PALD1: variants seen among roughly 807,000 people sequenced by gnomAD.
The protein encoded by PALD1 is phosphatase domain containing paladin 1, also known as paladin.
In PALD1, 57 loss-of-function variants were observed where a neutral mutation model predicts 96.0. That is an observed-to-expected ratio of 0.59 (90% CI 0.48 to 0.74). The LOEUF is 0.74. Ranked by LOEUF, PALD1 falls within the 30% of genes least tolerant of loss-of-function variation. The pLI, the probability that PALD1 is intolerant of heterozygous loss-of-function variation, is 0.00. For synonymous variants in PALD1, 464 were observed against 473.6 expected (o/e 0.98, Z 0.26); for missense variants, 1,063 against 1,143.7 (o/e 0.93, Z 1.02).
chr10:70,559,081 T>C (rs1847677543), intron 18 of PALD1, among the ~76,000 whole-genome samples: 1 of 152,160 alleles, frequency 6.6e-6, no homozygotes, highest in African/African-American at 2.4e-5. Flanking sequence ...TTTCTCTCTT[T>C]GCTTTCTCCT....
At chr10:70,492,218 C>G (rs1003532524) in intron 1 of PALD1, among the ~76,000 whole-genome samples, 2 of 152,082 alleles carry the variant, frequency 1.3e-5, no homozygotes, top group Non-Finnish European at 2.9e-5. Flanking sequence ...TGTGAATATA[C>G]TAAAAATCAT....
Position 70,507,741 on chromosome 10 carries a change from T to TTG in PALD1, c.-29-18175_-29-18174dup, listed in dbSNP as rs1396668064. Among the ~76,000 whole-genome samples the TTG allele has an allele frequency of 6.1e-4, 78 of 127,380 alleles. 1 individual carries two copies. In the South Asian group the frequency reaches 0.013, roughly 22 times the overall value. 83.6% of individuals were successfully genotyped at this position (127,380 alleles called of 152,430 possible). A position where few individuals can be genotyped will look rare whatever the true frequency, so the allele number is the denominator to read the frequency against. On this transcript the variant is annotated intron_variant, in intron 1 of 19. Coordinates refer to ENST00000263563, the MANE Select transcript of PALD1 (RefSeq NM_014431.3). ...TGGCTAATTGTTACATTTGTATGTT[T>TTG]TGTGTGTGCGTGTGTGTGTGTGTGT...
chr10:70,502,183 C>T (rs914342002), intron 1 of PALD1, among the ~76,000 whole-genome samples: 1 of 152,204 alleles, frequency 6.6e-6, no homozygotes, highest in South Asian at 2.1e-4. Context: ...TCTTCCTGCT[C>T]TCAACAGGAC....
intron 1 of PALD1, among the ~76,000 whole-genome samples, chr10:70,518,930 T>C (rs940121346): frequency 6.6e-6 from 1 of 152,202 alleles, no homozygotes; most frequent in African/African-American, 2.4e-5. Flanking sequence ...CACAACACAG[T>C]CTTCCTGTTT....
At chr10:70,498,480 G>A (rs1260547524) in intron 1 of PALD1, among the ~76,000 whole-genome samples, 1 of 151,710 alleles carries the variant, frequency 6.6e-6, no homozygotes, top group Non-Finnish European at 1.5e-5. Flanking sequence ...GTGAGATCTT[G>A]TGTTGCCCAG....
chr10:70,520,685 C>CTTTTTTTTTT (rs10545684), intron 1 of PALD1, among the ~76,000 whole-genome samples: 29 of 87,674 alleles, frequency 3.3e-4, no homozygotes, highest in East Asian at 8.5e-4. Context: ...TTCTTTCTTT[C>CTTTTTTTTTT]TTTTTTTTTT....
At chr10:70,507,767 G>GTT (rs1448885177) in intron 1 of PALD1, among the ~76,000 whole-genome samples, 170 of 142,220 alleles carry the variant, frequency 1.2e-3, no homozygotes, top group African/African-American at 4.9e-3. Context: ...GTGTGTGTGT[G>GTT]TGTGTGTGTG....
chr10:70,525,800 CCT>C, intron 1 of PALD1, 121 bp from the exon 2 acceptor site: 1 of 736,072 alleles, frequency 1.4e-6, no homozygotes, highest in Non-Finnish European at 2.3e-6. Flanking sequence ...GGCAAGCCTG[CCT>C]CTGTCTCCAG....
In PALD1 at chr10:70,534,448, C is replaced by G. The variant is rs776537695; in HGVS notation, c.1046C>G (p.Pro349Arg). 8 of 1,611,628 alleles carry G rather than the reference C, an allele frequency of 5.0e-6. No individual in the cohort carries two copies. The highest frequency in any genetic ancestry group is 1.7e-4 in the Middle Eastern group (1 of 6,056). Residue 349 changes from proline to arginine, a missense_variant, in exon 9 of 20, where the codon CCC becomes CGC. Physicochemically the swap from Pro to Arg is moderately radical, Grantham distance 103. Coordinates refer to ENST00000263563, the MANE Select transcript of PALD1 (RefSeq NM_014431.3). ...QPEAAPTQAK[P>R]LPMEQFQVIQ... ...AGGGCTGCCCCCACGCAGGCCAAGCCCCTGCCTATGGAGCAGTTCCAGGTG... is the reference window on the plus strand; with the variant it reads ...AGGGCTGCCCCCACGCAGGCCAAGCGCCTGCCTATGGAGCAGTTCCAGGTG...
rs116423407 is a variant in PALD1, at chr10:70,513,668, A to T, written c.-29-12255A>T. On this transcript the variant is annotated intron_variant, in intron 1 of 19. Coordinates refer to ENST00000263563, the MANE Select transcript of PALD1 (RefSeq NM_014431.3). ...GCCTGTATTTCCTAAGAACAAGGGC[A>T]TTCTCCTTTTAGCCACAATCTGAGG... 8.6e-3 allele frequency among the ~76,000 whole-genome samples: 1,312 copies of T among 152,328 alleles called. 19 individuals are homozygous for T. The highest frequency in any genetic ancestry group is 0.03 in the African/African-American group (1,267 of 41,556).
the PALD1 span, among the ~76,000 whole-genome samples, chr10:70,469,911 A>G: frequency 6.6e-6 from 1 of 152,086 alleles, no homozygotes; most frequent in African/African-American, 2.4e-5. Flanking sequence ...CTCCTGCCTC[A>G]GCCTCCCGAG....
At chr10:70,460,108 C>T in the PALD1 span, among the ~76,000 whole-genome samples, 7 of 152,204 alleles carry the variant, frequency 4.6e-5, no homozygotes, top group Admixed American at 1.3e-4. Flanking sequence ...CACCTCTTAG[C>T]TTTCGTGCGG....
upstream of PALD1, among the ~76,000 whole-genome samples, chr10:70,478,554 C>T (rs991877777): frequency 7.2e-5 from 11 of 152,196 alleles, no homozygotes; most frequent in Admixed American, 7.2e-4. Context: ...CAGTCTCCCC[C>T]GCCCCAAACT....
intron 18 of PALD1, among the ~76,000 whole-genome samples, chr10:70,561,256 A>G (rs550560957): frequency 6.6e-6 from 1 of 152,382 alleles, no homozygotes; most frequent in African/African-American, 2.4e-5. Context: ...GCACAGAGCC[A>G]GAGCTGAGGG....
At chr10:70,538,618 TCTC>T (rs58239876) in intron 12 of PALD1, among the ~76,000 whole-genome samples, 16,054 of 152,206 alleles carry the variant, frequency 0.11, 1,377 homozygotes, top group East Asian at 0.47. Flanking sequence ...TCTGGTACCT[TCTC>T]CTCAGTCTCA....
the PALD1 span, among the ~76,000 whole-genome samples, chr10:70,468,702 C>G: frequency 8.1e-6 from 1 of 123,806 alleles, no homozygotes; most frequent in African/African-American, 3.2e-5. Context: ...TGAGGCAGGA[C>G]TGTGTGTGTG....
intron 1 of PALD1, among the ~76,000 whole-genome samples, chr10:70,483,200 A>C (rs1290673554): frequency 6.6e-6 from 1 of 151,992 alleles, no homozygotes; most frequent in Non-Finnish European, 1.5e-5. Context: ...GATGGCCAGG[A>C]GTTTGCAAAG....
At position 70,533,856 on chromosome 10, in the gene PALD1, C is replaced by T. The variant is rs1172972919; in HGVS notation, c.871-66C>T. On this transcript the variant is annotated intron_variant, in intron 7 of 19. Transcript: ENST00000263563. ...GGTGGGCTGATGTCATGCTTTTCTC[C>T]CTGCTCAGGCCTCAGCCCAGGGTTT... 78 of 1,415,290 alleles carry T rather than the reference C, an allele frequency of 5.5e-5. No individual in the cohort carries two copies. The East Asian group carries it at 2.0e-3, about 35-fold the overall frequency. 87.7% of individuals were successfully genotyped at this position (1,415,290 alleles called of 1,614,324 possible). A position where few individuals can be genotyped will look rare whatever the true frequency, so the allele number is the denominator to read the frequency against.
At chr10:70,459,407 C>G in the PALD1 span, among the ~76,000 whole-genome samples, 1 of 152,258 alleles carries the variant, frequency 6.6e-6, no homozygotes, top group African/African-American at 2.4e-5. Context: ...CTTTAAAAGC[C>G]CCCTCCCGCG....
Sources: allele counts gnomAD v4.1 joint callset (sites outside exome capture counted in the v4.1 genomes callset), GRCh38; gene constraint gnomAD v4.1.1; transcripts MANE v1.5; gene names NCBI Gene and HGNC (gene_info 2026-07-23, HGNC 2026-07-21).